Variants in GPR39 observed in about 807,000 individuals in gnomAD.
GPR39 encodes the protein zinc sensing receptor.
Under a neutral mutation model 18.4 loss-of-function variants are expected in GPR39, and 23 were observed. The ratio of observed to expected loss-of-function variants is 1.25; its 90% CI spans 0.90 to 1.77. The LOEUF (loss-of-function observed/expected upper bound fraction) is 1.77, where lower values mean the gene tolerates loss of function less well. Ranked by LOEUF, GPR39 falls within the 40% of genes most tolerant of loss-of-function variation. The pLI, the probability that GPR39 is intolerant of heterozygous loss-of-function variation, is 0.00. For synonymous variants in GPR39, 280 were observed against 257.9 expected (o/e 1.09, Z -0.82); for missense variants, 647 against 602.4 (o/e 1.07, Z -0.78).
Position 132,645,811 on chromosome 2 carries a change from A to G in GPR39, c.*205A>G. The G allele has an allele frequency of 1.4e-6, 1 of 717,724 alleles. No individual in the cohort carries two copies. The highest frequency in any genetic ancestry group is 2.2e-6 in the Non-Finnish European group (1 of 448,350). The allele number at this position is 717,724 out of a possible 1,614,324, so 44.5% of individuals were successfully genotyped here. A position where few individuals can be genotyped will look rare whatever the true frequency, so the allele number is the denominator to read the frequency against. ...CTCCGGTTACACAGACATGGGGGTGAACTTTCACTCCACCTCCTTCCTTCA... is the reference window on the plus strand; with the variant it reads ...CTCCGGTTACACAGACATGGGGGTGGACTTTCACTCCACCTCCTTCCTTCA... On this transcript the variant is annotated 3_prime_UTR_variant, in exon 2 of 2. Coordinates refer to ENST00000329321, the MANE Select transcript of GPR39 (RefSeq NM_001508.3).
intron 1 of GPR39, among the ~76,000 whole-genome samples, chr2:132,492,852 T>C (rs566947849): frequency 9.1e-5 from 13 of 143,130 alleles, no homozygotes; most frequent in Non-Finnish European, 1.5e-4. Flanking sequence ...ATATACACCA[T>C]ATATATACCA....
intron 1 of GPR39, among the ~76,000 whole-genome samples, chr2:132,613,865 TC>T (rs35090336): frequency 6.6e-6 from 1 of 152,200 alleles, no homozygotes. Context: ...CATGATTGTA[TC>T]CCCAGTGTTT....
At chr2:132,469,198 C>G (rs1475182321) in intron 1 of GPR39, among the ~76,000 whole-genome samples, 10 of 152,176 alleles carry the variant, frequency 6.6e-5, no homozygotes. Context: ...TTCCATCCCC[C>G]TGTAGGCATC....
chr2:132,599,809 G>A (rs1293195781), intron 1 of GPR39, among the ~76,000 whole-genome samples: 1 of 152,178 alleles, frequency 6.6e-6, no homozygotes, highest in African/African-American at 2.4e-5. Context: ...GGTAAACTGA[G>A]GTTGGGATCC....
chr2:132,641,030 C>T (rs1330611203), intron 1 of GPR39, among the ~76,000 whole-genome samples: 1 of 152,122 alleles, frequency 6.6e-6, no homozygotes, highest in Non-Finnish European at 1.5e-5. Flanking sequence ...TTTCCTAGAG[C>T]AAAACTATCT....
chr2:132,598,781 C>T (rs551709821), intron 1 of GPR39, among the ~76,000 whole-genome samples: 5 of 152,064 alleles, frequency 3.3e-5, no homozygotes, highest in African/African-American at 9.7e-5. Flanking sequence ...CAGTCAATCT[C>T]GGAGATCCCT....
chr2:132,602,120 A>G (rs1233228869), intron 1 of GPR39, among the ~76,000 whole-genome samples: 5 of 152,180 alleles, frequency 3.3e-5, no homozygotes, highest in Non-Finnish European at 7.4e-5. Flanking sequence ...AGCAGGGAGC[A>G]TCATACTACC....
At chr2:132,591,511 C>G (rs1680843583) in intron 1 of GPR39, among the ~76,000 whole-genome samples, 1 of 152,140 alleles carries the variant, frequency 6.6e-6, no homozygotes. Context: ...TTCCTTGCTC[C>G]TCAGCTTGCA....
At chr2:132,528,351 A>T (rs909505104) in intron 1 of GPR39, among the ~76,000 whole-genome samples, 6 of 152,180 alleles carry the variant, frequency 3.9e-5, no homozygotes, top group Admixed American at 1.3e-4. Context: ...TATAGTTTGA[A>T]CCCAGGTAGC....
chr2:132,624,690 C>T (rs114854285), intron 1 of GPR39, among the ~76,000 whole-genome samples: 321 of 152,292 alleles, frequency 2.1e-3, no homozygotes, highest in African/African-American at 6.7e-3. Flanking sequence ...TGTAATCTTC[C>T]GCATCTGCCT....
intron 1 of GPR39, among the ~76,000 whole-genome samples, chr2:132,612,056 C>G (rs1045746830): frequency 1.3e-5 from 2 of 150,922 alleles, no homozygotes; most frequent in African/African-American, 2.4e-5. Context: ...ATGTCTCTCT[C>G]CATCCATCCA....
chr2:132,611,967 A>C (rs1024194580), intron 1 of GPR39, among the ~76,000 whole-genome samples: 3 of 152,162 alleles, frequency 2.0e-5, no homozygotes, highest in African/African-American at 7.2e-5. Context: ...CCCATACTTA[A>C]TATTGCAGAA....
chr2:132,586,996 T>C (rs972997042), intron 1 of GPR39, among the ~76,000 whole-genome samples: 1 of 152,284 alleles, frequency 6.6e-6, no homozygotes, highest in Non-Finnish European at 1.5e-5. Context: ...TCTCTCATAC[T>C]GTATCAAGAG....
At chr2:132,427,483 T>G (rs1229014384) in intron 1 of GPR39, among the ~76,000 whole-genome samples, 1 of 150,682 alleles carries the variant, frequency 6.6e-6, no homozygotes, top group Non-Finnish European at 1.5e-5. Context: ...TTCTATTCTA[T>G]TTGGTTTTAT....
At position 132,417,275 on chromosome 2, in the gene GPR39, C is replaced by T. The variant is rs150018419; in HGVS notation, c.233C>T (p.Ser78Leu). 2.8e-4 allele frequency: 453 copies of T among 1,614,124 alleles called. 2 individuals are homozygous for T. Among genetic ancestry groups the T allele is most frequent in the Middle Eastern group, 2.8e-3 (17 of 6,062 alleles). Residue 78 changes from serine to leucine, a missense_variant, in exon 1 of 2, where the codon TCG (serine) becomes TTG (leucine). Ser to Leu is a moderately radical substitution (Grantham distance 145). Coordinates refer to ENST00000329321, the MANE Select transcript of GPR39 (RefSeq NM_001508.3). ...VTDHMVSLACSDILVFLIGMP... is the reference protein window; with the variant it reads ...VTDHMVSLACLDILVFLIGMP... ...GACCACATGGTGAGTTTGGCTTGCT[C>T]GGACATCTTGGTGTTCCTCATCGGC... is the stretch of plus-strand genomic sequence containing the variant.
intron 1 of GPR39, among the ~76,000 whole-genome samples, chr2:132,533,114 A>C (rs941642263): frequency 2.6e-5 from 4 of 152,144 alleles, no homozygotes; most frequent in African/African-American, 9.7e-5. Context: ...CTCAGCCCAA[A>C]ATCTCCTTAA....
At chr2:132,597,603 T>C (rs1680969525) in intron 1 of GPR39, among the ~76,000 whole-genome samples, 1 of 152,228 alleles carries the variant, frequency 6.6e-6, no homozygotes, top group Non-Finnish European at 1.5e-5. Context: ...TGCCTCACAT[T>C]CTGCAGTTTT....
At chr2:132,532,500 C>T (rs1286915962) in intron 1 of GPR39, among the ~76,000 whole-genome samples, 1 of 152,134 alleles carries the variant, frequency 6.6e-6, no homozygotes, top group Non-Finnish European at 1.5e-5. Context: ...TTTTATGAGG[C>T]CAGCATCATC....
At chr2:132,578,218 C>T (rs1335169331) in intron 1 of GPR39, among the ~76,000 whole-genome samples, 1 of 152,088 alleles carries the variant, frequency 6.6e-6, no homozygotes, top group Non-Finnish European at 1.5e-5. Flanking sequence ...ATCAGCCTTG[C>T]ATCCCTTGAA....
Sources: gnomAD v4.1 joint callset for allele counts (sites outside exome capture counted in the v4.1 genomes callset) on GRCh38, gnomAD v4.1.1 for gene constraint, MANE v1.5 for transcripts, NCBI Gene and HGNC (gene_info 2026-07-23, HGNC 2026-07-21) for gene names.